The following PTPRD variants were observed in gnomAD, a reference collection of about 807,000 sequenced individuals.
PTPRD encodes protein tyrosine phosphatase receptor type D, also known as receptor-type tyrosine-protein phosphatase delta.
In PTPRD, 34 loss-of-function variants were observed where a neutral mutation model predicts 214.5. The observed-to-expected ratio is 0.16, with a 90% CI of 0.12 to 0.21. The LOEUF is 0.21. Ranked by LOEUF, PTPRD falls within the 10% of genes least tolerant of loss-of-function variation. PTPRD has a pLI of 1.00. For synonymous variants in PTPRD, 1,128 were observed against 845.7 expected, an observed-to-expected ratio of 1.33 and a Z score of -5.79; for missense variants, 2,545 against 2,398.7, an observed-to-expected ratio of 1.06 and a Z score of -1.27.
intron 5 of PTPRD, among the ~76,000 whole-genome samples, chr9:9,905,754 C>T (rs746056345): frequency 8.6e-5 from 13 of 151,546 alleles, no homozygotes; most frequent in African/African-American, 1.5e-4. Context: ...CAAAACTGGA[C>T]GAGTAGATAA....
intron 10 of PTPRD, among the ~76,000 whole-genome samples, chr9:9,042,609 TTTTTCTTTTC>T (rs1418045774): frequency 8.3e-5 from 7 of 84,068 alleles, no homozygotes; most frequent in African/African-American, 2.5e-4. Context: ...TTTTTTCTTT[TTTTTCTTTTC>T]TTTTTTTTTT....
At chr9:10,452,691 TTGAGTTG>T (rs979160513) in intron 2 of PTPRD, among the ~76,000 whole-genome samples, 3 of 151,968 alleles carry the variant, frequency 2.0e-5, no homozygotes, top group Admixed American at 2.0e-4. Flanking sequence ...TTGTTAGCTA[TTGAGTTG>T]TATGAGTTTC....
chr9:10,266,399 A>G (rs1011938913), intron 3 of PTPRD, among the ~76,000 whole-genome samples: 1 of 152,232 alleles, frequency 6.6e-6, no homozygotes, highest in Non-Finnish European at 1.5e-5. Context: ...AAGAAGGAAG[A>G]GAAAGCAATA....
intron 10 of PTPRD, among the ~76,000 whole-genome samples, chr9:9,112,195 C>T (rs553163562): frequency 2.6e-5 from 4 of 152,238 alleles, no homozygotes; most frequent in South Asian, 4.2e-4. Context: ...ACACTGGGAC[C>T]GTGAAAGCAC....
intron 21 of PTPRD, among the ~76,000 whole-genome samples, chr9:8,511,933 T>G (rs747738024): frequency 1.1e-4 from 16 of 152,196 alleles, no homozygotes; most frequent in Non-Finnish European, 1.6e-4. Context: ...TGAAAAAGAC[T>G]AACAAGAGAA....
chr9:9,036,225 C>A (rs77102682), intron 10 of PTPRD, among the ~76,000 whole-genome samples: 2 of 130,888 alleles, frequency 1.5e-5, no homozygotes, highest in African/African-American at 2.9e-5. Flanking sequence ...AAAAAAAAAA[C>A]TTGGCAGGTT....
rs1016482052 is a variant in PTPRD at position 9,088,736 on chromosome 9, C to T, written c.-142-70001G>A. On this transcript the variant is annotated intron_variant, in intron 10 of 45. Transcript: ENST00000381196. ...CCTAGCTTGCTGAGATTGCAGAAGA[C>T]AAAGGTTTTCTTAGTATTTGTGGAG... is the stretch of plus-strand genomic sequence containing the variant. 5.3e-5 allele frequency among the ~76,000 whole-genome samples: 8 copies of T among 151,962 alleles called. No individual in the cohort carries two copies. In the South Asian group the frequency reaches 1.2e-3, roughly 24 times the overall value.
chr9:8,498,962 T>C (rs1363028600), intron 25 of PTPRD, among the ~76,000 whole-genome samples: 1 of 152,222 alleles, frequency 6.6e-6, no homozygotes, highest in African/African-American at 2.4e-5. Context: ...TGTGATACCA[T>C]AGTTGCAAAC....
intron 9 of PTPRD, among the ~76,000 whole-genome samples, chr9:9,366,908 C>G (rs1261530302): frequency 6.7e-6 from 1 of 150,060 alleles, no homozygotes; most frequent in Non-Finnish European, 1.5e-5. Flanking sequence ...TTGTGTATTT[C>G]CTGAATTTAT....
Position 9,595,288 on chromosome 9 carries a change from TTATATATATA to T in PTPRD, c.-286-20517_-286-20508del, listed in dbSNP as rs56676115. ...TTATATGAAAAGGATTATATATATA[TTATATATATA>T]TATATATATATATTATATATATTTT... On this transcript the variant is annotated intron_variant, in intron 7 of 45. Transcript: ENST00000381196. Among the ~76,000 whole-genome samples the T allele has an allele frequency of 1.4e-4, 17 of 123,614 alleles. 1 individual carries two copies. Among genetic ancestry groups the T allele is most frequent in the African/African-American group, 4.8e-4 (16 of 33,472 alleles). 81.1% of individuals were successfully genotyped at this position (123,614 alleles called of 152,430 possible).
chr9:9,496,657 G>T (rs1216026424), intron 8 of PTPRD, among the ~76,000 whole-genome samples: 1 of 152,156 alleles, frequency 6.6e-6, no homozygotes, highest in East Asian at 1.9e-4. Context: ...TGGTGGGAAT[G>T]TAAAATGATA....
At chr9:8,387,366 C>G (rs776574755) in intron 37 of PTPRD, among the ~76,000 whole-genome samples, 2 of 152,108 alleles carry the variant, frequency 1.3e-5, no homozygotes, top group Non-Finnish European at 2.9e-5. Flanking sequence ...TTAGAACTAA[C>G]TTTATTATTA....
At chr9:9,280,248 A>G (rs1475634965) in intron 9 of PTPRD, among the ~76,000 whole-genome samples, 1 of 151,320 alleles carries the variant, frequency 6.6e-6, no homozygotes, top group Non-Finnish European at 1.5e-5. Context: ...AGACGGAGTG[A>G]CTTGTAGAGT....
At position 10,190,747 on chromosome 9, in the gene PTPRD, A is replaced by G. The variant is rs1401247408; in HGVS notation, c.-545+150216T>C. ...AAAAAAAAAAAAAAAAAAAAAAGTC[A>G]AAGTGGTGTTCAGATCAGCATTTTA... is the stretch of plus-strand genomic sequence containing the variant. On this transcript the variant is annotated intron_variant, in intron 3 of 45. Transcript: ENST00000381196. Among the ~76,000 whole-genome samples the G allele has an allele frequency of 5.4e-5, 8 of 147,668 alleles. No individual in the cohort carries two copies. In the East Asian group the frequency reaches 1.4e-3, roughly 26 times the overall value.
intron 33 of PTPRD, among the ~76,000 whole-genome samples, chr9:8,450,958 G>A (rs1158567369): frequency 6.6e-6 from 1 of 152,132 alleles, no homozygotes; most frequent in Admixed American, 6.5e-5. Context: ...GTGCTGCACA[G>A]TGTTTAGGAA....
At chr9:9,643,091 T>C (rs1233886179) in intron 7 of PTPRD, among the ~76,000 whole-genome samples, 2 of 152,196 alleles carry the variant, frequency 1.3e-5, no homozygotes, top group Non-Finnish European at 2.9e-5. Context: ...GAGAGAGATT[T>C]GAGTTGGTAG....
chr9:9,454,708 T>G, intron 8 of PTPRD, among the ~76,000 whole-genome samples: 1 of 151,724 alleles, frequency 6.6e-6, no homozygotes, highest in East Asian at 1.9e-4. Context: ...TTTGTATAGC[T>G]ATTTTGCATT....
chr9:10,578,368 A>G (rs1387553411), intron 2 of PTPRD, among the ~76,000 whole-genome samples: 2 of 152,136 alleles, frequency 1.3e-5, no homozygotes, highest in Admixed American at 6.6e-5. Flanking sequence ...ATAAAATTAT[A>G]TATATTATCT....
intron 9 of PTPRD, among the ~76,000 whole-genome samples, chr9:9,287,031 C>T (rs548344537): frequency 6.7e-6 from 1 of 148,472 alleles, no homozygotes; most frequent in Non-Finnish European, 1.5e-5. Context: ...TCAAGACAAG[C>T]CTGGCCAACA....
Sources: gnomAD v4.1 joint callset for allele counts (sites outside exome capture counted in the v4.1 genomes callset) on GRCh38, gnomAD v4.1.1 for gene constraint, MANE v1.5 for transcripts, NCBI Gene and HGNC (gene_info 2026-07-23, HGNC 2026-07-21) for gene names.